The following EML5 variants were observed in gnomAD, a reference collection of about 807,000 sequenced individuals.
The protein encoded by EML5 is EMAP like 5, also known as echinoderm microtubule-associated protein-like 5.
Under a neutral mutation model 250.0 loss-of-function variants are expected in EML5, and 120 were observed. The observed-to-expected ratio is 0.48, with a 90% confidence interval of 0.41 to 0.56. The LOEUF is 0.56. EML5 is among the 20% of genes least tolerant of loss of function. EML5 has a pLI of 0.00. For missense variants in EML5, 2,006 were observed against 2,437.6 expected (o/e 0.82, Z 3.73); for synonymous variants, 771 against 806.5 (o/e 0.96, Z 0.75).
At chr14:88,734,572 G>A (rs1166060810) in intron 7 of EML5, among the ~76,000 whole-genome samples, 1 of 151,942 alleles carries the variant, frequency 6.6e-6, no homozygotes, top group African/African-American at 2.4e-5. Flanking sequence ...ATGTAAGAAA[G>A]TGACAATGAA....
intron 21 of EML5, among the ~76,000 whole-genome samples, chr14:88,676,712 A>T (rs1476561546): frequency 6.6e-6 from 1 of 152,208 alleles, no homozygotes; most frequent in Non-Finnish European, 1.5e-5. Context: ...TGGAGGCATC[A>T]TGCTAATCCC....
intron 37 of EML5, 67 bp downstream of exon 37, chr14:88,622,537 G>A (rs1194091677): frequency 8.0e-7 from 1 of 1,253,658 alleles, no homozygotes; most frequent in Non-Finnish European, 1.1e-6. Context: ...TGCAAAGGGT[G>A]AGGGAATCAC....
rs144776535 is a variant in EML5, at chr14:88,782,302, G to C, written c.197+10005C>G. Among the ~76,000 whole-genome samples, 990 of 152,288 alleles carry C rather than the reference G, an allele frequency of 6.5e-3. 8 individuals carry two copies. Among genetic ancestry groups the C allele is most frequent in the African/African-American group, 0.023 (950 of 41,548 alleles). ...AGATGATTTAGGGTATCTGGTGGAA[G>C]AAATTTCTAAGCGACAAAGAATTCA... On this transcript the variant is annotated intron_variant, in intron 1 of 43. Transcript: ENST00000554922.
At chr14:88,771,915 T>C (rs1287900291) in intron 1 of EML5, among the ~76,000 whole-genome samples, 3 of 152,166 alleles carry the variant, frequency 2.0e-5, no homozygotes, top group African/African-American at 4.8e-5. Context: ...TCTTGGCTGT[T>C]TTCCCTTCCT....
chr14:88,624,841 G>C lies in EML5; in HGVS notation c.4898+129C>G, dbSNP rs186251671. 6.1e-6 allele frequency: 6 copies of C among 987,516 alleles called. No homozygotes were observed. In the African/African-American group the frequency reaches 1.0e-4, roughly 17 times the overall value. The allele number at this position is 987,516 out of a possible 1,614,324, so 61.2% of individuals were successfully genotyped here. A position where few individuals can be genotyped will look rare whatever the true frequency, so the allele number is the denominator to read the frequency against. ...TAGAAGGCACATAAAAGGTAATAAAGGAGAAGCATATGAGGAGGAAGGTCG... is the reference window on the plus strand; with the variant it reads ...TAGAAGGCACATAAAAGGTAATAAACGAGAAGCATATGAGGAGGAAGGTCG... On this transcript the variant is annotated intron_variant, in intron 36 of 43. Coordinates refer to ENST00000554922, the MANE Select transcript of EML5 (RefSeq NM_183387.3).
intron 27 of EML5, among the ~76,000 whole-genome samples, chr14:88,657,018 G>A (rs1048719772): frequency 6.6e-6 from 1 of 151,656 alleles, no homozygotes; most frequent in Non-Finnish European, 1.5e-5. Context: ...TTTGAGACAG[G>A]GCCTCATTCT....
intron 14 of EML5, 91 bp downstream of exon 14, chr14:88,702,355 T>A (rs1426652663): frequency 9.9e-7 from 1 of 1,007,082 alleles, no homozygotes. Context: ...ACTCTTCATA[T>A]CCTAGAACAT....
In EML5 at chr14:88,715,016, T is replaced by A; in HGVS notation, c.1367A>T (p.His456Leu). 1 of 1,613,892 alleles carries A rather than the reference T, an allele frequency of 6.2e-7. No homozygotes were observed. The highest frequency in any genetic ancestry group is 8.5e-7 in the Non-Finnish European group (1 of 1,179,838). Residue 456 changes from histidine to leucine, a missense_variant, in exon 9 of 44, where the codon CAT (histidine) becomes CTT (leucine). By Grantham distance (99) the His-to-Leu change is moderately conservative. Transcript: ENST00000554922. ...TCTACTGTCTGAAGACCAGTCCAGA[T>A]GAGTGATGAAACTAAGGGATCCCAA... Reference protein sequence around the residue: ...ECLGSLSFITHLDWSSDSRYL... With the variant: ...ECLGSLSFITLLDWSSDSRYL...
intron 1 of EML5, among the ~76,000 whole-genome samples, chr14:88,771,131 C>A (rs1166368653): frequency 6.6e-6 from 1 of 152,168 alleles, no homozygotes; most frequent in Non-Finnish European, 1.5e-5. Context: ...ACATTTATCT[C>A]ACACATCTCA....
intron 1 of EML5, among the ~76,000 whole-genome samples, chr14:88,758,167 AATATACATAT>A (rs1032882552): frequency 2.7e-5 from 4 of 150,940 alleles, no homozygotes; most frequent in South Asian, 2.1e-4. Flanking sequence ...CACTTCTATA[AATATACATAT>A]ATATACATAT....
At chr14:88,747,488 C>T (rs904633005) in intron 2 of EML5, among the ~76,000 whole-genome samples, 1 of 151,918 alleles carries the variant, frequency 6.6e-6, no homozygotes, top group Admixed American at 6.6e-5. Flanking sequence ...AATAAGAAAC[C>T]ATGAGTGAGA....
intron 21 of EML5, among the ~76,000 whole-genome samples, chr14:88,681,340 G>A (rs902194667): frequency 2.0e-5 from 3 of 152,338 alleles, no homozygotes; most frequent in East Asian, 1.9e-4. Flanking sequence ...GCCGGGGGCC[G>A]TGGCTCACGC....
At chr14:88,699,680 A>G (rs572471505) in intron 14 of EML5, among the ~76,000 whole-genome samples, 1 of 152,274 alleles carries the variant, frequency 6.6e-6, no homozygotes, top group Admixed American at 6.5e-5. Flanking sequence ...AAAATTAAAG[A>G]TGAAAAGAAT....
chr14:88,746,259 A>T lies in EML5; in HGVS notation c.382T>A (p.Ser128Thr). Reference protein sequence around the residue: ...GQRLVSVGLDSKNAVCVWDWK... With the variant: ...GQRLVSVGLDTKNAVCVWDWK... ...TCCCAAACACAAACTGCATTCTTTGAATCAAGTCCAACTGAAACCAAGCGC... is the reference window on the plus strand; with the variant it reads ...TCCCAAACACAAACTGCATTCTTTGTATCAAGTCCAACTGAAACCAAGCGC... The change falls in exon 3 of 44, where the codon TCA (serine) becomes ACA (threonine). Residue 128 changes from serine to threonine, a missense_variant. Physicochemically the swap from Ser to Thr is moderately conservative, Grantham distance 58. Transcript: ENST00000554922. 6.2e-7 allele frequency: 1 copy of T among 1,613,446 alleles called. No individual in the cohort carries two copies. The highest frequency in any genetic ancestry group is 8.5e-7 in the Non-Finnish European group (1 of 1,179,556).
intron 7 of EML5, among the ~76,000 whole-genome samples, chr14:88,735,268 G>T (rs2093822099): frequency 6.6e-6 from 1 of 152,124 alleles, no homozygotes; most frequent in South Asian, 2.1e-4. Context: ...TAATGCTGAT[G>T]TTGCTCGTCT....
rs191787727 is a variant in EML5 at position 88,766,970 on chromosome 14, A to T, written c.198-12299T>A. Among the ~76,000 whole-genome samples, 4 of 152,332 alleles carry T rather than the reference A, an allele frequency of 2.6e-5. No homozygotes were observed. The East Asian group carries it at 7.7e-4, about 29-fold the overall frequency. On this transcript the variant is annotated intron_variant, in intron 1 of 43. Coordinates refer to ENST00000554922, the MANE Select transcript of EML5 (RefSeq NM_183387.3). ...TTTTACATTCTTTCATAAATTCAAC[A>T]TGTAGGTCATCCTGGGGCTGACAAC...
chr14:88,640,600 A>C (rs2091008576), intron 31 of EML5, among the ~76,000 whole-genome samples: 1 of 152,204 alleles, frequency 6.6e-6, no homozygotes, highest in Non-Finnish European at 1.5e-5. Flanking sequence ...GCCTATCTCA[A>C]AATGTTAGAA....
rs183814914 is a variant in EML5 at position 88,718,783 on chromosome 14, G to T, written c.1188-3588C>A. Among the ~76,000 whole-genome samples, 10 of 152,204 alleles carry T rather than the reference G, an allele frequency of 6.6e-5. No individual in the cohort carries two copies. The East Asian group carries it at 1.9e-3, about 29-fold the overall frequency. ...TAAGAGAGAGAGACTTTGGTTTGAG[G>T]CATGAAACTTAAGATGGGACACATT... On this transcript the variant is annotated intron_variant, in intron 8 of 43. Coordinates refer to ENST00000554922, the MANE Select transcript of EML5 (RefSeq NM_183387.3).
intron 2 of EML5, among the ~76,000 whole-genome samples, chr14:88,753,795 A>G (rs1339991240): frequency 1.3e-5 from 2 of 152,194 alleles, no homozygotes; most frequent in Non-Finnish European, 2.9e-5. Context: ...GTTCCATTAT[A>G]TTCAATAAAA....
Sources: gnomAD v4.1 joint callset for allele counts (sites outside exome capture counted in the v4.1 genomes callset) on GRCh38, gnomAD v4.1.1 for gene constraint, MANE v1.5 for transcripts, NCBI Gene and HGNC (gene_info 2026-07-23, HGNC 2026-07-21) for gene names.